SLC35D1: variants seen among roughly 807,000 people sequenced by gnomAD.
The protein encoded by SLC35D1 is solute carrier family 35 member D1, also known as nucleotide sugar transporter SLC35D1.
SLC35D1 carries 31 observed loss-of-function variants against 46.7 expected under a neutral mutation model. That is an observed-to-expected ratio of 0.66 (90% CI 0.50 to 0.90). SLC35D1 has a LOEUF of 0.90. SLC35D1 is among the 40% of genes least tolerant of loss of function. The pLI, the probability that SLC35D1 is intolerant of heterozygous loss-of-function variation, is 0.00. For synonymous variants in SLC35D1, 195 were observed against 164.6 expected (o/e 1.18, Z -1.41); for missense variants, 397 against 426.2 (o/e 0.93, Z 0.60).
chr1:67,022,819 T>TC (rs2102286324), intron 8 of SLC35D1, among the ~76,000 whole-genome samples: 1 of 152,258 alleles, frequency 6.6e-6, no homozygotes, highest in South Asian at 2.1e-4. Context: ...CAAAGTTCCC[T>TC]CCTCCCCATT....
At chr1:66,978,198 A>G in the SLC35D1 span, among the ~76,000 whole-genome samples, 2 of 140,104 alleles carry the variant, frequency 1.4e-5, no homozygotes, top group Admixed American at 1.4e-4. Flanking sequence ...TCCATCTCCA[A>G]AAAAAAAAAA....
the SLC35D1 span, among the ~76,000 whole-genome samples, chr1:66,993,173 AG>A: frequency 6.6e-6 from 1 of 152,230 alleles, no homozygotes; most frequent in African/African-American, 2.4e-5. Context: ...AAAAGACGTT[AG>A]TAGGCTCTGA....
At chr1:66,993,776 T>TA in the SLC35D1 span, among the ~76,000 whole-genome samples, 29 of 151,258 alleles carry the variant, frequency 1.9e-4, no homozygotes, top group Non-Finnish European at 3.2e-4. Context: ...CACAAGGTGC[T>TA]AAAAAAAAAT....
At chr1:67,035,694 C>A (rs1340834875) in intron 8 of SLC35D1, among the ~76,000 whole-genome samples, 1 of 151,592 alleles carries the variant, frequency 6.6e-6, no homozygotes, top group African/African-American at 2.4e-5. Flanking sequence ...TTTATTTCTG[C>A]CCTGATTTTT....
intron 6 of SLC35D1, among the ~76,000 whole-genome samples, chr1:67,049,440 A>G (rs562406239): frequency 6.6e-6 from 1 of 152,388 alleles, no homozygotes; most frequent in Admixed American, 6.5e-5. Flanking sequence ...ACTATAAAAT[A>G]GGAAAATTAT....
chr1:67,034,466 T>C (rs1354326079), intron 8 of SLC35D1, among the ~76,000 whole-genome samples: 1 of 152,210 alleles, frequency 6.6e-6, no homozygotes, highest in Non-Finnish European at 1.5e-5. Flanking sequence ...ATAAATGTAA[T>C]TACTTTCTTG....
At chr1:66,997,915 A>G (rs1159904263), downstream of SLC35D1, among the ~76,000 whole-genome samples, 1 of 151,756 alleles carries the variant, frequency 6.6e-6, no homozygotes, top group Non-Finnish European at 1.5e-5. Context: ...ACATCACCTC[A>G]AGCATATGAA....
the SLC35D1 span, chr1:66,987,925 T>C: frequency 4.6e-5 from 7 of 152,184 alleles, no homozygotes; most frequent in African/African-American, 7.3e-5. Context: ...TTCACTCTGT[T>C]TCTCTTCTGC....
the SLC35D1 span, among the ~76,000 whole-genome samples, chr1:66,977,723 G>C: frequency 6.6e-6 from 1 of 151,916 alleles, no homozygotes; most frequent in Non-Finnish European, 1.5e-5. Context: ...TTCATGAATT[G>C]CTTTAAAATG....
rs1387832973 is a variant in SLC35D1, at chr1:66,999,568, G to A, written c.*4772C>T. ...TAACACCTGTAGACAAAAATCAGTT[G>A]ATCATCAGCATGAGAAAGAAAACAT... On this transcript the variant is annotated 3_prime_UTR_variant, in exon 12 of 12. Coordinates refer to ENST00000235345, the MANE Select transcript of SLC35D1 (RefSeq NM_015139.3). 1 of 151,886 alleles carries A rather than the reference G, an allele frequency of 6.6e-6. No homozygotes were observed. The highest frequency in any genetic ancestry group is 6.6e-5 in the Admixed American group (1 of 15,248). The allele number at this position is 151,886 out of a possible 1,614,324, so 9.4% of individuals were successfully genotyped here. A position where few individuals can be genotyped will look rare whatever the true frequency, so the allele number is the denominator to read the frequency against.
At chr1:67,035,745 A>G (rs2102326610) in intron 8 of SLC35D1, among the ~76,000 whole-genome samples, 1 of 150,992 alleles carries the variant, frequency 6.6e-6, no homozygotes, top group East Asian at 1.9e-4. Context: ...TTGGAACCCA[A>G]AAGAACTTGC....
Position 67,046,490 on chromosome 1 carries a change from T to C in SLC35D1, c.636+775A>G, listed in dbSNP as rs1311011639. Among the ~76,000 whole-genome samples the C allele has an allele frequency of 2.0e-5, 3 of 152,316 alleles. No homozygotes were observed. In the East Asian group the frequency reaches 5.8e-4, roughly 29 times the overall value. On this transcript the variant is annotated intron_variant, in intron 7 of 11. Transcript: ENST00000235345. ...AAGATGTAATTATGAGATAAAAATG[T>C]ACCAGCTGCTCAGGAAAAACTATGG...
intron 10 of SLC35D1, among the ~76,000 whole-genome samples, chr1:67,014,845 A>G (rs1667648840): frequency 1.3e-5 from 2 of 151,488 alleles, no homozygotes; most frequent in African/African-American, 4.8e-5. Context: ...ATGTCTAGAC[A>G]AAAAAGGTCT....
chr1:67,016,332 T>G (rs1667685600), intron 10 of SLC35D1, among the ~76,000 whole-genome samples: 1 of 152,126 alleles, frequency 6.6e-6, no homozygotes, highest in South Asian at 2.1e-4. Flanking sequence ...GAAATGTAGT[T>G]TACAATCGGT....
chr1:67,006,325 CTTA>C (rs1667446374), intron 11 of SLC35D1, among the ~76,000 whole-genome samples: 1 of 152,110 alleles, frequency 6.6e-6, no homozygotes, highest in Non-Finnish European at 1.5e-5. Context: ...AAGAAGATGG[CTTA>C]CTGAAGTCTT....
At chr1:67,022,591 T>C (rs17129601) in intron 8 of SLC35D1, among the ~76,000 whole-genome samples, 3,529 of 152,296 alleles carry the variant, frequency 0.023, 132 homozygotes, top group African/African-American at 0.082. Flanking sequence ...AATCTTTCTA[T>C]ACCATGTCTA....
At chr1:66,984,616 G>T in the SLC35D1 span, 2 of 1,609,862 alleles carry the variant, frequency 1.2e-6, no homozygotes. Context: ...CAAAGAGGAA[G>T]TAAAAGTTGA....
At chr1:66,977,675 T>C in the SLC35D1 span, among the ~76,000 whole-genome samples, 1 of 152,210 alleles carries the variant, frequency 6.6e-6, no homozygotes, top group Non-Finnish European at 1.5e-5. Flanking sequence ...ACTGGCAATT[T>C]GTTACTTAAA....
the SLC35D1 span, chr1:66,988,651 T>TA: frequency 3.3e-5 from 5 of 152,352 alleles, no homozygotes; most frequent in Non-Finnish European, 5.9e-5. Flanking sequence ...AACACACTTT[T>TA]AAAGGCTACT....
Sources: gnomAD v4.1 joint callset for allele counts (sites outside exome capture counted in the v4.1 genomes callset) on GRCh38, gnomAD v4.1.1 for gene constraint, MANE v1.5 for transcripts, NCBI Gene and HGNC (gene_info 2026-07-23, HGNC 2026-07-21) for gene names.